TOGARAM2: variants seen among roughly 807,000 people sequenced by gnomAD.
TOGARAM2 encodes TOG array regulator of axonemal microtubules 2, also known as TOG array regulator of axonemal microtubules protein 2.
In TOGARAM2, 85 loss-of-function variants were observed where a neutral mutation model predicts 93.3. The observed-to-expected ratio is 0.91, with a 90% CI of 0.76 to 1.09. TOGARAM2 has a LOEUF of 1.09. Among genes scored for constraint, TOGARAM2 ranks in the 50% least tolerant of loss-of-function variants. The pLI is 0.00. For synonymous variants in TOGARAM2, 593 were observed against 552.8 expected (o/e 1.07, Z -1.02); for missense variants, 1,277 against 1,334.5 (o/e 0.96, Z 0.67).
Position 29,003,701 on chromosome 2 carries a change from A to G in TOGARAM2, c.830+19A>G. The G allele has an allele frequency of 6.7e-7, 1 of 1,481,864 alleles. No individual in the cohort carries two copies. The highest frequency in any genetic ancestry group is 9.0e-7 in the Non-Finnish European group (1 of 1,113,208). The allele number at this position is 1,481,864 out of a possible 1,614,324, so 91.8% of individuals were successfully genotyped here. Reference sequence around the variant, plus strand: ...GCACGCGGTAAGAGCTCCAAGTCAAACCTTCCTTGCTGACTTCTCTCCCTC... The same window carrying G: ...GCACGCGGTAAGAGCTCCAAGTCAAGCCTTCCTTGCTGACTTCTCTCCCTC... On this transcript the variant is annotated intron_variant, in intron 6 of 19. Transcript: ENST00000379558.
rs1572662070 is a variant in TOGARAM2, at chr2:28,999,271, T to G, written c.230T>G (p.Leu77Arg). The G allele has an allele frequency of 6.2e-7, 1 of 1,606,862 alleles. No homozygotes were observed. The highest frequency in any genetic ancestry group is 8.5e-7 in the Non-Finnish European group (1 of 1,173,366). Residue 77 changes from leucine to arginine, a missense_variant, in exon 4 of 20, where the codon CTG (leucine) becomes CGG (arginine). Leu to Arg is a moderately radical substitution (Grantham distance 102, BLOSUM62 -2). Coordinates refer to ENST00000379558, the MANE Select transcript of TOGARAM2 (RefSeq NM_199280.4). ...CTCGGACAGCTGGGTGGCCTCAAGC[T>G]GGACACCCCTTCCAAGGGCTGGCAG... is the stretch of plus-strand genomic sequence containing the variant. ...RGLGQLGGLK[L>R]DTPSKGWQAR... is the part of the protein sequence containing the mutation.
intron 1 of TOGARAM2, among the ~76,000 whole-genome samples, chr2:28,972,211 C>T (rs1671959148): frequency 6.6e-6 from 1 of 152,196 alleles, no homozygotes. Context: ...GCCTCAGCCT[C>T]CTGAGTAACT....
intron 6 of TOGARAM2, among the ~76,000 whole-genome samples, chr2:29,009,084 C>A (rs572408981): frequency 2.8e-4 from 43 of 152,334 alleles, no homozygotes; most frequent in Non-Finnish European, 5.9e-4. Flanking sequence ...GCCAGGAAGT[C>A]ATCAAGGTGA....
intron 2 of TOGARAM2, among the ~76,000 whole-genome samples, chr2:28,997,443 A>G (rs1005011432): frequency 6.6e-6 from 1 of 152,074 alleles, no homozygotes; most frequent in Non-Finnish European, 1.5e-5. Flanking sequence ...CCGCACTGTC[A>G]TTGCTTCTTA....
chr2:29,043,015 T>G (rs1462481693), intron 18 of TOGARAM2, among the ~76,000 whole-genome samples: 1 of 152,238 alleles, frequency 6.6e-6, no homozygotes, highest in Non-Finnish European at 1.5e-5. Context: ...TGTTCTAGGC[T>G]GAGCATTGTG....
At chr2:29,010,290 C>T (rs575886374) in intron 6 of TOGARAM2, among the ~76,000 whole-genome samples, 61 of 152,240 alleles carry the variant, frequency 4.0e-4, no homozygotes, top group African/African-American at 1.4e-3. Context: ...GTTACAATGG[C>T]AAAGGCCTAG....
upstream of TOGARAM2, among the ~76,000 whole-genome samples, chr2:28,978,309 T>C (rs559309479): frequency 1.4e-5 from 2 of 141,938 alleles, no homozygotes; most frequent in South Asian, 4.5e-4. Context: ...GCATGACAGC[T>C]ACATCCCAGA....
chr2:28,965,045 G>C (rs937158154), intron 1 of TOGARAM2, among the ~76,000 whole-genome samples: 1 of 152,124 alleles, frequency 6.6e-6, no homozygotes, highest in Non-Finnish European at 1.5e-5. Flanking sequence ...TCCGGTTCTA[G>C]ATCTTTGAGG....
At chr2:28,992,709 T>A (rs1672794661) in intron 1 of TOGARAM2, among the ~76,000 whole-genome samples, 1 of 152,172 alleles carries the variant, frequency 6.6e-6, no homozygotes, top group Admixed American at 6.5e-5. Flanking sequence ...GAGATCTTAT[T>A]ATAAAGTGAA....
At chr2:29,027,663 T>G (rs1572745902) in intron 14 of TOGARAM2, among the ~76,000 whole-genome samples, 1 of 149,848 alleles carries the variant, frequency 6.7e-6, no homozygotes, top group Admixed American at 6.6e-5. Context: ...GGGGCTGAGG[T>G]GGGAGGATCT....
Position 29,051,936 on chromosome 2 carries a change from T to A in TOGARAM2, c.2903T>A (p.Leu968Gln), listed in dbSNP as rs1190311100. 1.2e-6 allele frequency: 2 copies of A among 1,604,854 alleles called. No individual in the cohort carries two copies. Among genetic ancestry groups the A allele is most frequent in the African/African-American group, 2.7e-5 (2 of 74,776 alleles). Reference protein sequence around the residue: ...RSLQEHMGSRLLDFAASQPKH... With the variant: ...RSLQEHMGSRQLDFAASQPKH... The stretch of plus-strand genomic sequence containing the variant: ...CTCCAGGAGCACATGGGCTCCCGCC[T>A]GCTGGACTTTGCCGCCAGCCAGCCA... Residue 968 changes from leucine to glutamine, a missense_variant, in exon 20 of 20, where the codon CTG (leucine) becomes CAG (glutamine). Leu to Gln is a moderately radical substitution (Grantham distance 113). Transcript: ENST00000379558.
intron 10 of TOGARAM2, among the ~76,000 whole-genome samples, chr2:29,019,632 T>C (rs1664809344): frequency 6.6e-6 from 1 of 152,168 alleles, no homozygotes. Flanking sequence ...CCCTCTTTAT[T>C]TGAACTGTTT....
intron 6 of TOGARAM2, among the ~76,000 whole-genome samples, chr2:29,008,404 G>C (rs1245393891): frequency 6.6e-6 from 1 of 151,440 alleles, no homozygotes; most frequent in African/African-American, 2.4e-5. Flanking sequence ...GCCCACTTTG[G>C]CTTCCCAAAG....
At chr2:29,041,566 C>T in intron 18 of TOGARAM2, among the ~76,000 whole-genome samples, 1 of 152,214 alleles carries the variant, frequency 6.6e-6, no homozygotes, top group Admixed American at 6.5e-5. Flanking sequence ...TATCTGGCTT[C>T]CCAGTAGCTG....
At chr2:29,019,398 G>C (rs902209925) in intron 10 of TOGARAM2, among the ~76,000 whole-genome samples, 1 of 151,950 alleles carries the variant, frequency 6.6e-6, no homozygotes, top group Non-Finnish European at 1.5e-5. Context: ...TCGAACTCTC[G>C]ACCTCAAGTG....
chr2:29,017,046 T>C, intron 8 of TOGARAM2, 108 bp from the exon 9 acceptor site: 1 of 1,415,568 alleles, frequency 7.1e-7, no homozygotes, highest in East Asian at 2.4e-5. Context: ...GTCTTTTTTG[T>C]TCACTTCCAG....
intron 1 of TOGARAM2, among the ~76,000 whole-genome samples, chr2:28,990,424 G>T (rs935787230): frequency 6.6e-6 from 1 of 152,082 alleles, no homozygotes; most frequent in African/African-American, 2.4e-5. Flanking sequence ...AGCAAGCCCC[G>T]ACCCTCTCAC....
chr2:29,009,888 G>C (rs767003181), intron 6 of TOGARAM2, among the ~76,000 whole-genome samples: 89 of 152,146 alleles, frequency 5.8e-4, no homozygotes, highest in Admixed American at 9.2e-4. Flanking sequence ...CAGGGGCCCT[G>C]ATCGGCATGG....
At chr2:28,975,162 TG>T (rs1430047418) in intron 1 of TOGARAM2, among the ~76,000 whole-genome samples, 2 of 152,072 alleles carry the variant, frequency 1.3e-5, no homozygotes, top group Non-Finnish European at 2.9e-5. Context: ...TGTGTTTCTT[TG>T]CTGAGACGTT....
Sources: allele counts gnomAD v4.1 joint callset (sites outside exome capture counted in the v4.1 genomes callset), GRCh38; gene constraint gnomAD v4.1.1; transcripts MANE v1.5; gene names NCBI Gene and HGNC (gene_info 2026-07-23, HGNC 2026-07-21).